The following SIPA1L2 variants were observed in gnomAD, a reference collection of about 807,000 sequenced individuals.
The protein encoded by SIPA1L2 is signal-induced proliferation-associated 1-like protein 2.
Under a neutral mutation model 163.9 loss-of-function variants are expected in SIPA1L2, and 56 were observed. That is an observed-to-expected ratio of 0.34 (90% CI 0.28 to 0.43). The LOEUF (loss-of-function observed/expected upper bound fraction) is 0.43. Ranked by LOEUF, SIPA1L2 falls within the 20% of genes least tolerant of loss-of-function variation. The probability of loss-of-function intolerance (pLI) is 1.00; values close to 1 mark genes in which losing one functional copy is unlikely to be tolerated. For missense variants in SIPA1L2, 1,974 were observed against 2,193.5 expected (o/e 0.90, Z 2.00); for synonymous variants, 877 against 865.7 (o/e 1.01, Z -0.23).
At chr1:232,402,617 C>A in intron 21 of SIPA1L2, 144 bp from the exon 22 acceptor site, 1 of 612,222 alleles carries the variant, frequency 1.6e-6, no homozygotes, top group Non-Finnish European at 2.7e-6. Flanking sequence ...GGGAAAGTGT[C>A]CATATTGCTG....
intron 18 of SIPA1L2, among the ~76,000 whole-genome samples, chr1:232,425,376 T>C (rs1661828339): frequency 6.6e-6 from 1 of 152,212 alleles, no homozygotes; most frequent in Admixed American, 6.5e-5. Context: ...GTTTCTCAAT[T>C]GCTTTCAAAA....
At chr1:232,566,964 G>C (rs368149582) in intron 2 of SIPA1L2, among the ~76,000 whole-genome samples, 4 of 152,308 alleles carry the variant, frequency 2.6e-5, no homozygotes, top group African/African-American at 7.2e-5. Flanking sequence ...TAATTGTACA[G>C]ATGCTTCTTT....
chr1:232,401,960 T>C (rs942879272), intron 22 of SIPA1L2, among the ~76,000 whole-genome samples: 11 of 152,118 alleles, frequency 7.2e-5, no homozygotes, highest in African/African-American at 2.7e-4. Context: ...CATGTGCAGG[T>C]TGATGTGTAC....
rs1667123145 is a variant in SIPA1L2, at chr1:232,514,423, T to C, written c.917A>G (p.Lys306Arg). The change falls in exon 3 of 23, where the codon AAG (lysine) becomes AGG (arginine). Residue 306 changes from lysine (K) to arginine (R), a missense_variant. By Grantham distance (26) the Lys-to-Arg change is conservative. This residue lies in a region of SIPA1L2 where 607 missense variants were observed against 624.0 expected (regional missense o/e 0.97). Coordinates refer to ENST00000674635, the MANE Select transcript of SIPA1L2 (RefSeq NM_020808.5). ...GCTCTCCTCCAGCTCAGACGTGAAC[T>C]TGAAAGTTTCGTGCTCACTTTTAAC... is the stretch of plus-strand genomic sequence containing the variant. ...RTVKSEHETF[K>R]FTSELEESRL... 1.2e-6 allele frequency: 2 copies of C among 1,614,128 alleles called. No homozygotes were observed. The highest frequency in any genetic ancestry group is 1.3e-5 in the African/African-American group (1 of 74,964).
chr1:232,519,304 G>A (rs893896939), intron 2 of SIPA1L2, among the ~76,000 whole-genome samples: 1 of 152,126 alleles, frequency 6.6e-6, no homozygotes, highest in Non-Finnish European at 1.5e-5. Context: ...TTAATAAAAC[G>A]GCCAATCCTG....
At position 232,432,314 on chromosome 1, in the gene SIPA1L2, C is replaced by T; in HGVS notation, c.4189G>A (p.Val1397Ile). ...CCCTCCGATTTCTTCCAGCCGATGA[C>T]ATATTTGTTCACTGCCCCTTGTCTG... ...YHRQGAVNKY[V>I]IGWKKSEGSP... Residue 1397 changes from valine (V) to isoleucine (I), a missense_variant, in exon 16 of 23, where the codon GTC (valine) becomes ATC (isoleucine). Physicochemically the swap from Val to Ile is conservative, Grantham distance 29. Coordinates refer to ENST00000674635, the MANE Select transcript of SIPA1L2 (RefSeq NM_020808.5). 6.2e-7 allele frequency: 1 copy of T among 1,614,158 alleles called. No homozygotes were observed. The highest frequency in any genetic ancestry group is 1.1e-5 in the South Asian group (1 of 91,074).
At chr1:232,433,413 C>T (rs559186908) in intron 15 of SIPA1L2, among the ~76,000 whole-genome samples, 2 of 152,244 alleles carry the variant, frequency 1.3e-5, no homozygotes, top group South Asian at 2.1e-4. Flanking sequence ...TTAGTGGCTA[C>T]CTCAAGGGAG....
intron 2 of SIPA1L2, among the ~76,000 whole-genome samples, chr1:232,548,869 G>A (rs188355888): frequency 6.6e-6 from 1 of 152,192 alleles, no homozygotes; most frequent in African/African-American, 2.4e-5. Flanking sequence ...AGCAGGATCC[G>A]TGCAAGGACA....
chr1:232,620,087 G>C (rs530633135), intron 1 of SIPA1L2, among the ~76,000 whole-genome samples: 25 of 152,202 alleles, frequency 1.6e-4, no homozygotes, highest in African/African-American at 5.1e-4. Context: ...GTTTCACCAT[G>C]TTGGTCAGGC....
Position 232,528,102 on chromosome 1 carries a change from A to ATATATATATATATATATATC in SIPA1L2, c.-269-12495_-269-12494insGATATATATATATATATATA, listed in dbSNP as rs34779799. 2.0e-3 allele frequency among the ~76,000 whole-genome samples: 234 copies of ATATATATATATATATATATC among 118,510 alleles called. 32 individuals are homozygous for ATATATATATATATATATATC. The highest frequency in any genetic ancestry group is 5.4e-3 in the African/African-American group (157 of 28,974). 77.7% of individuals were successfully genotyped at this position (118,510 alleles called of 152,430 possible). A position where few individuals can be genotyped will look rare whatever the true frequency, so the allele number is the denominator to read the frequency against. On this transcript the variant is annotated intron_variant, in intron 2 of 22. Transcript: ENST00000674635. ...TTTATATATATATATATATATATAT[A>ATATATATATATATATATATC]ATCAACTTTCTAAAAACCACAGGTA...
chr1:232,524,175 A>G (rs1011911086), intron 2 of SIPA1L2, among the ~76,000 whole-genome samples: 2 of 152,244 alleles, frequency 1.3e-5, no homozygotes, highest in African/African-American at 2.4e-5. Flanking sequence ...AGGGCACTGT[A>G]CTGGATGCTG....
At chr1:232,449,656 C>A (rs778689235) in intron 10 of SIPA1L2, among the ~76,000 whole-genome samples, 2 of 151,812 alleles carry the variant, frequency 1.3e-5, no homozygotes, top group African/African-American at 2.4e-5. Flanking sequence ...ATGAACATTT[C>A]TAGAACTAAG....
In SIPA1L2 at chr1:232,461,705, C is replaced by T. The variant is rs141420576; in HGVS notation, c.2821-544G>A. 1.2e-3 allele frequency among the ~76,000 whole-genome samples: 176 copies of T among 152,296 alleles called. 1 individual carries two copies. The highest frequency in any genetic ancestry group is 3.6e-3 in the African/African-American group (150 of 41,562). ...ACACCCCAAAGCACTTGAAAGCTAACGCTTAAGAGCCCACTCTGAGGTTCA... is the reference window on the plus strand; with the variant it reads ...ACACCCCAAAGCACTTGAAAGCTAATGCTTAAGAGCCCACTCTGAGGTTCA... On this transcript the variant is annotated intron_variant, in intron 9 of 22. Transcript: ENST00000674635.
chr1:232,489,355 G>A (rs1176131506), intron 5 of SIPA1L2, among the ~76,000 whole-genome samples: 1 of 152,050 alleles, frequency 6.6e-6, no homozygotes, highest in Non-Finnish European at 1.5e-5. Flanking sequence ...TTCATCAACT[G>A]TTTCATGAAC....
chr1:232,610,714 T>C (rs1377241040), intron 1 of SIPA1L2, among the ~76,000 whole-genome samples: 1 of 152,030 alleles, frequency 6.6e-6, no homozygotes, highest in African/African-American at 2.4e-5. Context: ...CCTTTCTCAG[T>C]GTGGAGTGGC....
chr1:232,498,183 C>T (rs1666293674), intron 3 of SIPA1L2, among the ~76,000 whole-genome samples: 1 of 152,126 alleles, frequency 6.6e-6, no homozygotes, highest in Non-Finnish European at 1.5e-5. Context: ...GAATCACTGA[C>T]CTAAAAGTAG....
intron 2 of SIPA1L2, among the ~76,000 whole-genome samples, chr1:232,546,210 T>C (rs981945210): frequency 3.3e-5 from 5 of 152,210 alleles, no homozygotes; most frequent in African/African-American, 1.2e-4. Context: ...TTACACAGCA[T>C]AACCGTACTT....
chr1:232,513,014 TA>T, intron 3 of SIPA1L2, among the ~76,000 whole-genome samples: 1 of 152,176 alleles, frequency 6.6e-6, no homozygotes, highest in Middle Eastern at 3.4e-3. Context: ...CTCTGAAAAG[TA>T]AGCTGCACTA....
intron 15 of SIPA1L2, among the ~76,000 whole-genome samples, chr1:232,436,616 C>T (rs80231137): frequency 0.011 from 1,712 of 152,302 alleles, 11 homozygotes; most frequent in Non-Finnish European, 0.019. Flanking sequence ...AGGGAGCCTT[C>T]CTCATGGCCA....
Sources: allele counts gnomAD v4.1 joint callset (sites outside exome capture counted in the v4.1 genomes callset), GRCh38; gene constraint gnomAD v4.1.1; regional missense constraint gnomAD v4.1.1; transcripts MANE v1.5; gene names NCBI Gene and HGNC (gene_info 2026-07-23, HGNC 2026-07-21).